The following ANKS1A variants were observed in gnomAD, a reference collection of about 807,000 sequenced individuals.
The protein encoded by ANKS1A is ankyrin repeat and SAM domain-containing protein 1A.
ANKS1A carries 55 observed loss-of-function variants against 120.3 expected under a neutral mutation model. The ratio of observed to expected loss-of-function variants is 0.46; its 90% confidence interval spans 0.37 to 0.57. ANKS1A has a LOEUF of 0.57. ANKS1A is among the 20% of genes least tolerant of loss of function. ANKS1A has a pLI of 0.00. For synonymous variants in ANKS1A, 590 were observed against 604.7 expected (o/e 0.98, Z 0.36); for missense variants, 1,123 against 1,480.3 (o/e 0.76, Z 3.96).
chr6:35,003,656 ACTT>A (rs559652207), intron 10 of ANKS1A, among the ~76,000 whole-genome samples: 1,975 of 152,282 alleles, frequency 0.013, 31 homozygotes, highest in Non-Finnish European at 0.02. Flanking sequence ...TGCTACCTGT[ACTT>A]CTTCAAGTGA....
chr6:35,024,120 T>A (rs958705890), intron 11 of ANKS1A, among the ~76,000 whole-genome samples: 3 of 152,208 alleles, frequency 2.0e-5, no homozygotes, highest in Admixed American at 1.3e-4. Flanking sequence ...GAAAGAAACC[T>A]GTTCTCCCTT....
chr6:35,082,460 C>A lies in ANKS1A; in HGVS notation c.2710-231C>A, dbSNP rs1777736207. Among the ~76,000 whole-genome samples the A allele has an allele frequency of 6.6e-6, 1 of 152,174 alleles. No homozygotes were observed. Among genetic ancestry groups the A allele is most frequent in the Admixed American group, 6.5e-5 (1 of 15,272 alleles). On this transcript the variant is annotated intron_variant, in intron 17 of 23. Transcript: ENST00000360359. This position sits in a 1 kb window ranked among gnomAD's most constrained non-coding sequence, Gnocchi z 4.1. ...CGGACACCACAGAGACTGTCCTTCC[C>A]AAGCCCTGCTCTCAGGCGGTTTGGG... is the stretch of plus-strand genomic sequence containing the variant.
Position 35,017,461 on chromosome 6 carries a change from G to A in ANKS1A, c.1424-12G>A, listed in dbSNP as rs773225811. 19 of 1,578,164 alleles carry A rather than the reference G, an allele frequency of 1.2e-5. No homozygotes were observed. Among genetic ancestry groups the A allele is most frequent in the Non-Finnish European group, 1.4e-5 (16 of 1,161,544 alleles). ...TAATTTTTTATTTCTCTGTCTCTCCGTCCACTCCAAGACCACAGGCGGAGC... is the reference window on the plus strand; with the variant it reads ...TAATTTTTTATTTCTCTGTCTCTCCATCCACTCCAAGACCACAGGCGGAGC... On this transcript the variant is annotated splice_polypyrimidine_tract_variant and intron_variant, in intron 10 of 23. Coordinates refer to ENST00000360359, the MANE Select transcript of ANKS1A (RefSeq NM_015245.3).
At chr6:35,077,234 C>T (rs1010080033) in intron 13 of ANKS1A, among the ~76,000 whole-genome samples, 7 of 152,280 alleles carry the variant, frequency 4.6e-5, no homozygotes, top group Admixed American at 2.6e-4. Flanking sequence ...GGCCTAGACA[C>T]GACACTCACG....
In ANKS1A at chr6:34,981,875, C is replaced by T. The variant is rs143097410; in HGVS notation, c.621C>T (p.Asn207=). ...VVKMLLNAHP[N]LLSCNTKKHT... The stretch of plus-strand genomic sequence containing the variant: ...AAATGCTCCTTAATGCACACCCCAA[C>T]CTCCTGAGCTGCAACACTAAGAAGC... Residue 207 remains asparagine, a synonymous_variant, in exon 4 of 24, where the codon AAC becomes AAT. Transcript: ENST00000360359. The T allele has an allele frequency of 6.7e-5, 108 of 1,614,010 alleles. No homozygotes were observed. The highest frequency in any genetic ancestry group is 8.9e-5 in the Non-Finnish European group (105 of 1,180,038).
chr6:35,026,343 C>T (rs895659063), intron 11 of ANKS1A, among the ~76,000 whole-genome samples: 1 of 152,202 alleles, frequency 6.6e-6, no homozygotes, highest in South Asian at 2.1e-4. Context: ...TACAGTTACA[C>T]GTTCAGCTAA....
intron 12 of ANKS1A, among the ~76,000 whole-genome samples, chr6:35,056,434 G>A (rs1388820031): frequency 2.0e-5 from 3 of 152,114 alleles, no homozygotes; most frequent in East Asian, 3.9e-4. Flanking sequence ...GACTACAGGC[G>A]CCCGCCACCA....
chr6:34,998,107 C>A (rs1561901894), intron 10 of ANKS1A, among the ~76,000 whole-genome samples: 1 of 152,168 alleles, frequency 6.6e-6, no homozygotes, highest in Admixed American at 6.5e-5. Context: ...TTCTTAGAAG[C>A]CTTGCCTATC....
At chr6:34,910,523 T>G (rs1023579146) in intron 1 of ANKS1A, among the ~76,000 whole-genome samples, 5 of 152,116 alleles carry the variant, frequency 3.3e-5, no homozygotes, top group Admixed American at 3.3e-4. Context: ...ATCACACTAC[T>G]ACTACACTCC....
At chr6:35,035,039 G>A (rs771337572) in intron 11 of ANKS1A, among the ~76,000 whole-genome samples, 2 of 152,232 alleles carry the variant, frequency 1.3e-5, no homozygotes. Flanking sequence ...GAACGGCCTC[G>A]CCCTGAGTAA....
chr6:34,980,728 G>A (rs1177760209), intron 3 of ANKS1A, among the ~76,000 whole-genome samples: 1 of 152,122 alleles, frequency 6.6e-6, no homozygotes, highest in Non-Finnish European at 1.5e-5. Context: ...AGAGGTCATG[G>A]GACTTACTTT....
intron 10 of ANKS1A, among the ~76,000 whole-genome samples, chr6:35,004,800 A>G (rs1292025423): frequency 6.6e-6 from 1 of 152,196 alleles, no homozygotes; most frequent in Non-Finnish European, 1.5e-5. Flanking sequence ...AAATAATACC[A>G]TCCTAATCTA....
At chr6:34,960,108 C>T (rs762261441) in intron 1 of ANKS1A, among the ~76,000 whole-genome samples, 18 of 152,280 alleles carry the variant, frequency 1.2e-4, no homozygotes, top group South Asian at 2.1e-4. Context: ...AGGTCAGGCA[C>T]GCTCCTTCCC....
intron 1 of ANKS1A, among the ~76,000 whole-genome samples, chr6:34,893,135 G>GGGATAA (rs1447391727): frequency 6.6e-6 from 1 of 152,074 alleles, no homozygotes; most frequent in Non-Finnish European, 1.5e-5. Context: ...CTGTAAAATG[G>GGGATAA]GGATAATACT....
At chr6:35,065,644 C>T (rs1222096099) in intron 13 of ANKS1A, among the ~76,000 whole-genome samples, 2 of 152,230 alleles carry the variant, frequency 1.3e-5, no homozygotes, top group Non-Finnish European at 2.9e-5. Flanking sequence ...TCTTCCCTTC[C>T]CAGGAAGATG....
intron 1 of ANKS1A, among the ~76,000 whole-genome samples, chr6:34,953,060 A>G (rs1770162975): frequency 6.6e-6 from 1 of 152,112 alleles, no homozygotes; most frequent in Non-Finnish European, 1.5e-5. Flanking sequence ...ATTTTGACAC[A>G]TCTTAAATAG....
At chr6:34,917,546 G>A (rs938912873) in intron 1 of ANKS1A, among the ~76,000 whole-genome samples, 1 of 152,196 alleles carries the variant, frequency 6.6e-6, no homozygotes, top group Non-Finnish European at 1.5e-5. Context: ...GTATTAAAGT[G>A]CAAGTGAAAT....
intron 1 of ANKS1A, among the ~76,000 whole-genome samples, chr6:34,899,434 C>T (rs972038618): frequency 8.6e-5 from 13 of 151,624 alleles, no homozygotes; most frequent in African/African-American, 2.9e-4. Flanking sequence ...ATCACTTGAG[C>T]CTAGGAGTTT....
intron 2 of ANKS1A, among the ~76,000 whole-genome samples, chr6:34,967,541 A>ATT (rs1159802174): frequency 0.091 from 13,331 of 147,162 alleles, 828 homozygotes; most frequent in East Asian, 0.22. Flanking sequence ...AAAAAAAAAA[A>ATT]TTTTTTTAAT....
Sources: gnomAD v4.1 joint callset for allele counts (sites outside exome capture counted in the v4.1 genomes callset) on GRCh38, gnomAD v4.1.1 for gene constraint, Gnocchi (gnomAD v3.1) non-coding constraint, MANE v1.5 for transcripts, NCBI Gene and HGNC (gene_info 2026-07-23, HGNC 2026-07-21) for gene names.